GRHL2: variants seen among roughly 807,000 people sequenced by gnomAD.
The protein encoded by GRHL2 is grainyhead-like protein 2 homolog.
GRHL2 carries 21 observed loss-of-function variants against 83.8 expected under a neutral mutation model. That is an observed-to-expected ratio of 0.25 (90% CI 0.18 to 0.36). The LOEUF (loss-of-function observed/expected upper bound fraction) is 0.36, where lower values mean the gene tolerates loss of function less well. Ranked by LOEUF, GRHL2 falls within the 10% of genes least tolerant of loss-of-function variation. GRHL2 has a pLI of 1.00. For missense variants in GRHL2, 623 were observed against 781.8 expected, an observed-to-expected ratio of 0.80 and a Z score of 2.42; for synonymous variants, 280 against 278.9, an observed-to-expected ratio of 1.00 and a Z score of -0.04.
intron 15 of GRHL2, 47 bp from the exon 16 acceptor site, chr8:101,666,542 T>C (rs1294826287): frequency 3.5e-6 from 4 of 1,134,146 alleles, no homozygotes; most frequent in Non-Finnish European, 5.4e-6. Context: ...CTGGGCACAT[T>C]GTTCACGGCG....
At chr8:101,553,623 C>CTTTTTTTT (rs1184533206) in intron 3 of GRHL2, among the ~76,000 whole-genome samples, 2 of 106,844 alleles carry the variant, frequency 1.9e-5, no homozygotes, top group African/African-American at 3.7e-5. Context: ...TCATCCACTT[C>CTTTTTTTT]TTTTTTTTTT....
Position 101,667,144 on chromosome 8 carries a change from G to A in GRHL2, c.*441G>A, listed in dbSNP as rs149042946. On this transcript the variant is annotated 3_prime_UTR_variant, in exon 16 of 16. Coordinates refer to ENST00000646743, the MANE Select transcript of GRHL2 (RefSeq NM_024915.4). ...CGAGTGGCTGGACAAAATGAGCTACGTCTGGGTGCAGTAGTTATAGGTGGG... is the reference window on the plus strand; with the variant it reads ...CGAGTGGCTGGACAAAATGAGCTACATCTGGGTGCAGTAGTTATAGGTGGG... 3.1e-5 allele frequency: 8 copies of A among 259,826 alleles called. No individual in the cohort carries two copies. Among genetic ancestry groups the A allele is most frequent in the Admixed American group, 9.1e-5 (2 of 21,968 alleles). 16.1% of individuals were successfully genotyped at this position (259,826 alleles called of 1,614,324 possible).
At chr8:101,633,998 G>T (rs900705853) in intron 11 of GRHL2, among the ~76,000 whole-genome samples, 1 of 152,208 alleles carries the variant, frequency 6.6e-6, no homozygotes, top group Non-Finnish European at 1.5e-5. Flanking sequence ...AGCTGCTCCT[G>T]ACTGTCAGTC....
rs961869851 is a variant in GRHL2 at position 101,667,974 on chromosome 8, G to A, written c.*1271G>A. The A allele has an allele frequency of 6.5e-6, 1 of 152,740 alleles. No homozygotes were observed. The highest frequency in any genetic ancestry group is 6.5e-5 in the Admixed American group (1 of 15,292). 9.5% of individuals were successfully genotyped at this position (152,740 alleles called of 1,614,324 possible). A position where few individuals can be genotyped will look rare whatever the true frequency, so the allele number is the denominator to read the frequency against. On this transcript the variant is annotated 3_prime_UTR_variant, in exon 16 of 16. Coordinates refer to ENST00000646743, the MANE Select transcript of GRHL2 (RefSeq NM_024915.4). ...GGGGCTTCCTCCTGGGCCACCAGATGGAAAGGGGGTATTGTTTGCCTCACT... is the reference window on the plus strand; with the variant it reads ...GGGGCTTCCTCCTGGGCCACCAGATAGAAAGGGGGTATTGTTTGCCTCACT...
chr8:101,608,354 T>G (rs914071627), intron 8 of GRHL2, among the ~76,000 whole-genome samples: 5 of 150,538 alleles, frequency 3.3e-5, no homozygotes, highest in Non-Finnish European at 7.4e-5. Flanking sequence ...TCCTTTATTA[T>G]CTCTGACAAG....
chr8:101,559,230 G>T (rs941975539), intron 4 of GRHL2, among the ~76,000 whole-genome samples: 2 of 151,846 alleles, frequency 1.3e-5, no homozygotes, highest in African/African-American at 4.8e-5. Flanking sequence ...ATATAACTTT[G>T]GCTGGACGCG....
At chr8:101,672,282 T>C (rs1277708301), downstream of GRHL2, among the ~76,000 whole-genome samples, 1 of 151,106 alleles carries the variant, frequency 6.6e-6, no homozygotes. Context: ...TTCAAACCAA[T>C]GGTAGAGAAG....
intron 1 of GRHL2, among the ~76,000 whole-genome samples, chr8:101,535,387 C>T (rs1474281980): frequency 1.3e-5 from 2 of 151,966 alleles, no homozygotes; most frequent in African/African-American, 4.8e-5. Context: ...TTTCCAGATC[C>T]CAGGGTGAAG....
chr8:101,528,868 A>G, intron 1 of GRHL2: 1 of 344,864 alleles, frequency 2.9e-6, no homozygotes, highest in South Asian at 2.6e-5. Context: ...CAGGTTCATG[A>G]TAGGTTTGTT....
chr8:101,640,596 C>G (rs2129651974), intron 12 of GRHL2, among the ~76,000 whole-genome samples: 1 of 152,274 alleles, frequency 6.6e-6, no homozygotes, highest in East Asian at 1.9e-4. Flanking sequence ...GAGATCTGGT[C>G]TTCATCTACA....
At chr8:101,596,566 A>C (rs1486999540) in intron 7 of GRHL2, among the ~76,000 whole-genome samples, 1 of 152,250 alleles carries the variant, frequency 6.6e-6, no homozygotes, top group African/African-American at 2.4e-5. Flanking sequence ...ACATAATTCA[A>C]TTTAGTAGTA....
chr8:101,658,028 TC>T (rs751689909), intron 14 of GRHL2, among the ~76,000 whole-genome samples: 3 of 152,144 alleles, frequency 2.0e-5, no homozygotes, highest in African/African-American at 4.8e-5. Flanking sequence ...ACAGCCAGCT[TC>T]CTCTGAATGA....
intron 1 of GRHL2, among the ~76,000 whole-genome samples, chr8:101,511,497 G>A (rs1367952809): frequency 3.9e-5 from 6 of 152,096 alleles, no homozygotes; most frequent in Non-Finnish European, 1.5e-5. Flanking sequence ...ACAGGCGTGT[G>A]CCACCACACC....
chr8:101,547,063 G>A (rs1348413411), intron 2 of GRHL2, among the ~76,000 whole-genome samples: 1 of 152,152 alleles, frequency 6.6e-6, no homozygotes, highest in Non-Finnish European at 1.5e-5. Context: ...GAAATAATTG[G>A]TCTTATTTTC....
intron 2 of GRHL2, among the ~76,000 whole-genome samples, chr8:101,551,580 A>G (rs1208283116): frequency 6.6e-6 from 1 of 151,940 alleles, no homozygotes; most frequent in African/African-American, 2.4e-5. Context: ...TTTTGGGTGC[A>G]AAGGAGTTTG....
intron 7 of GRHL2, among the ~76,000 whole-genome samples, chr8:101,581,821 T>C (rs1398631299): frequency 1.3e-5 from 2 of 152,178 alleles, no homozygotes; most frequent in Non-Finnish European, 2.9e-5. Context: ...AGAAGAGCGC[T>C]TCCCAGAGAA....
chr8:101,659,757 G>T (rs975023669), intron 14 of GRHL2, among the ~76,000 whole-genome samples: 1 of 152,190 alleles, frequency 6.6e-6, no homozygotes, highest in Non-Finnish European at 1.5e-5. Context: ...TCAAAACGGC[G>T]TTTTGGGGGA....
At position 101,667,495 on chromosome 8, in the gene GRHL2, C is replaced by A. The variant is rs1814097142; in HGVS notation, c.*792C>A. On this transcript the variant is annotated 3_prime_UTR_variant, in exon 16 of 16. Coordinates refer to ENST00000646743, the MANE Select transcript of GRHL2 (RefSeq NM_024915.4). ...GAGACTTGCAGGGCTAGGTAGAGGG[C>A]CTTTGGGATGTTAAGGTGACTGCAG... 1.3e-5 allele frequency: 2 copies of A among 152,756 alleles called. No individual in the cohort carries two copies. Among genetic ancestry groups the A allele is most frequent in the African/African-American group, 2.4e-5 (1 of 41,442 alleles). The allele number at this position is 152,756 out of a possible 1,614,324, so 9.5% of individuals were successfully genotyped here.
intron 14 of GRHL2, among the ~76,000 whole-genome samples, chr8:101,654,147 A>G (rs1360476155): frequency 6.6e-6 from 1 of 152,240 alleles, no homozygotes; most frequent in Non-Finnish European, 1.5e-5. Context: ...CTCTGTTGAG[A>G]AAGGAACTCA....
Sources: allele counts gnomAD v4.1 joint callset (sites outside exome capture counted in the v4.1 genomes callset), GRCh38; gene constraint gnomAD v4.1.1; transcripts MANE v1.5; gene names NCBI Gene and HGNC (gene_info 2026-07-23, HGNC 2026-07-21).